Variants in PCCA observed in about 807,000 individuals in gnomAD.
PCCA encodes the protein propionyl-CoA carboxylase alpha chain, mitochondrial.
PCCA carries 74 observed loss-of-function variants against 101.3 expected under a neutral mutation model. That is an observed-to-expected ratio of 0.73 (90% confidence interval 0.61 to 0.89). The LOEUF is 0.89. Ranked by LOEUF, PCCA falls within the 40% of genes least tolerant of loss-of-function variation. PCCA has a pLI of 0.00. For synonymous variants in PCCA, 294 were observed against 313.6 expected (o/e 0.94, Z 0.66); for missense variants, 891 against 907.0 (o/e 0.98, Z 0.23).
chr13:100,471,344 A>C (rs2082995511), intron 21 of PCCA, among the ~76,000 whole-genome samples: 1 of 152,248 alleles, frequency 6.6e-6, no homozygotes, highest in South Asian at 2.1e-4. Flanking sequence ...TCACCACAAC[A>C]GATAACGACG....
At chr13:100,524,089 G>C (rs550497188) in intron 22 of PCCA, among the ~76,000 whole-genome samples, 1 of 152,202 alleles carries the variant, frequency 6.6e-6, no homozygotes, top group Non-Finnish European at 1.5e-5. Context: ...TACGGTGTGC[G>C]ACACATTCTG....
At chr13:100,311,601 C>T (rs1399676956) in intron 16 of PCCA, among the ~76,000 whole-genome samples, 1 of 151,906 alleles carries the variant, frequency 6.6e-6, no homozygotes, top group African/African-American at 2.4e-5. Context: ...AGAACCCCGT[C>T]TCTAGTAAAA....
At chr13:100,138,934 C>CAGA (rs2051513271) in intron 4 of PCCA, among the ~76,000 whole-genome samples, 1 of 83,114 alleles carries the variant, frequency 1.2e-5, no homozygotes, top group Non-Finnish European at 2.3e-5. Context: ...AACTCCATCT[C>CAGA]AAAAAAAAAA....
intron 2 of PCCA, among the ~76,000 whole-genome samples, chr13:100,105,519 G>C (rs1172143400): frequency 6.6e-6 from 1 of 151,940 alleles, no homozygotes; most frequent in South Asian, 2.1e-4. Flanking sequence ...TTCCTCATTA[G>C]CGTAATAACT....
At chr13:100,371,003 G>C (rs1252902921) in intron 19 of PCCA, among the ~76,000 whole-genome samples, 1 of 152,092 alleles carries the variant, frequency 6.6e-6, no homozygotes, top group Non-Finnish European at 1.5e-5. Flanking sequence ...TAATTTTTAG[G>C]AGTTTAAATT....
chr13:100,316,596 T>A (rs866236053), intron 16 of PCCA, among the ~76,000 whole-genome samples: 1 of 152,186 alleles, frequency 6.6e-6, no homozygotes, highest in Non-Finnish European at 1.5e-5. Flanking sequence ...TCTCTTTTTT[T>A]GTTCAAATTG....
At chr13:100,107,546 G>A (rs570637256) in intron 2 of PCCA, among the ~76,000 whole-genome samples, 2 of 152,160 alleles carry the variant, frequency 1.3e-5, no homozygotes, top group South Asian at 4.2e-4. Flanking sequence ...AGTGATCTTA[G>A]GTGTTATTAA....
intron 7 of PCCA, among the ~76,000 whole-genome samples, chr13:100,227,398 T>C (rs2060206669): frequency 6.6e-6 from 1 of 152,236 alleles, no homozygotes; most frequent in African/African-American, 2.4e-5. Flanking sequence ...ACGTTTTTTC[T>C]GGTTAGTTTT....
At chr13:100,298,688 T>C (rs9557410) in intron 12 of PCCA, among the ~76,000 whole-genome samples, 1 of 17,374 alleles carries the variant, frequency 5.8e-5, no homozygotes, top group Non-Finnish European at 1.2e-4. Flanking sequence ...CCTTCCTTCC[T>C]TCCTTCCTTC....
chr13:100,412,844 A>G (rs2078138427), intron 19 of PCCA, among the ~76,000 whole-genome samples: 1 of 152,194 alleles, frequency 6.6e-6, no homozygotes, highest in Non-Finnish European at 1.5e-5. Flanking sequence ...AAATGAAAAG[A>G]AAAAGGAGTT....
intron 21 of PCCA, among the ~76,000 whole-genome samples, chr13:100,472,277 G>A (rs2083080336): frequency 1.3e-5 from 2 of 151,976 alleles, no homozygotes; most frequent in South Asian, 2.1e-4. Flanking sequence ...TGGGCACGAC[G>A]ACCTTGGTGG....
At chr13:100,483,388 T>G (rs1265477606) in intron 21 of PCCA, among the ~76,000 whole-genome samples, 4 of 152,218 alleles carry the variant, frequency 2.6e-5, no homozygotes, top group African/African-American at 9.7e-5. Flanking sequence ...TTTTCTCCTC[T>G]CAGCACACAC....
intron 18 of PCCA, among the ~76,000 whole-genome samples, chr13:100,356,591 A>C (rs1352664394): frequency 6.6e-6 from 1 of 152,164 alleles, no homozygotes; most frequent in African/African-American, 2.4e-5. Context: ...ATGTGGAAAC[A>C]TGGGAACCAT....
intron 16 of PCCA, among the ~76,000 whole-genome samples, chr13:100,329,607 A>G (rs2069241245): frequency 1.3e-5 from 2 of 152,174 alleles, no homozygotes; most frequent in Admixed American, 6.5e-5. Context: ...AGCTGACTGA[A>G]AATAAAAAAT....
In PCCA at chr13:100,110,637, G is replaced by A. The variant is rs528298299; in HGVS notation, c.184-1204G>A. Among the ~76,000 whole-genome samples the A allele has an allele frequency of 4.6e-5, 7 of 152,176 alleles. No individual in the cohort carries two copies. The East Asian group carries it at 1.2e-3, about 25-fold the overall frequency. On this transcript the variant is annotated intron_variant, in intron 2 of 23. Transcript: ENST00000376285. ...CATTTTTGGATATATGCACAATTAG[G>A]TACCTATTCTGAGTTACTGAAAATA... is the stretch of plus-strand genomic sequence containing the variant.
At position 100,194,009 on chromosome 13, in the gene PCCA, T is replaced by C. The variant is rs1472334687; in HGVS notation, c.469-15323T>C. Among the ~76,000 whole-genome samples the C allele has an allele frequency of 2.6e-5, 4 of 151,588 alleles. No homozygotes were observed. In the South Asian group the frequency reaches 8.4e-4, roughly 32 times the overall value. On this transcript the variant is annotated intron_variant, in intron 6 of 23. Coordinates refer to ENST00000376285, the MANE Select transcript of PCCA (RefSeq NM_000282.4). ...CGGCACAAACCTGGGAAGCGGAGCA[T>C]GCAGTGAGCCGAGATTGTGCCACTG...
chr13:100,510,849 C>T (rs80226002), intron 21 of PCCA, among the ~76,000 whole-genome samples: 2,009 of 152,338 alleles, frequency 0.013, 84 homozygotes, highest in Admixed American at 0.09. Context: ...GCTGCTCCAG[C>T]GACTGCAGCT....
chr13:100,125,237 C>G (rs2152311109), intron 4 of PCCA, among the ~76,000 whole-genome samples: 1 of 152,084 alleles, frequency 6.6e-6, no homozygotes, highest in South Asian at 2.1e-4. Context: ...AAGATGATGG[C>G]TGTCCTGGTC....
intron 13 of PCCA, 118 bp downstream of exon 13, chr13:100,301,721 G>A (rs983266498): frequency 4.9e-5 from 56 of 1,149,998 alleles, no homozygotes; most frequent in Middle Eastern, 5.1e-4. Context: ...ATTGGATTAC[G>A]TAATCCATAA....
Sources: gnomAD v4.1 joint callset for allele counts (sites outside exome capture counted in the v4.1 genomes callset) on GRCh38, gnomAD v4.1.1 for gene constraint, MANE v1.5 for transcripts, NCBI Gene and HGNC (gene_info 2026-07-23, HGNC 2026-07-21) for gene names.